UNC5D: variants seen among roughly 807,000 people sequenced by gnomAD.
The protein encoded by UNC5D is unc-5 netrin receptor D.
In UNC5D, 39 loss-of-function variants were observed where a neutral mutation model predicts 105.4. That is an observed-to-expected ratio of 0.37 (90% confidence interval 0.29 to 0.48). The LOEUF (loss-of-function observed/expected upper bound fraction) is 0.48, where lower values mean the gene tolerates loss of function less well. UNC5D is among the 20% of genes least tolerant of loss of function. The pLI, the probability that UNC5D is intolerant of heterozygous loss-of-function variation, is 0.98. For synonymous variants in UNC5D, 452 were observed against 450.4 expected, an observed-to-expected ratio of 1.00 and a Z score of -0.04; for missense variants, 991 against 1,202.4, an observed-to-expected ratio of 0.82 and a Z score of 2.60.
rs1563720946 is a variant in UNC5D at position 35,737,291 on chromosome 8, TG to T, written c.1766+6196del. 3.4e-3 allele frequency among the ~76,000 whole-genome samples: 513 copies of T among 150,134 alleles called. 8 individuals carry two copies. Among genetic ancestry groups the T allele is most frequent in the African/African-American group, 0.012 (485 of 40,324 alleles). On this transcript the variant is annotated intron_variant, in intron 11 of 16. Coordinates refer to ENST00000404895, the MANE Select transcript of UNC5D (RefSeq NM_080872.4). ...GTGTGTGTGTGTGTGTGTGTGTGTG[TG>T]TGTGTGTGTTAATGTGTGATGAAGG...
At chr8:35,746,788 A>T (rs575567077) in intron 11 of UNC5D, among the ~76,000 whole-genome samples, 52 of 152,334 alleles carry the variant, frequency 3.4e-4, no homozygotes, top group African/African-American at 1.3e-3. Context: ...AGAGCTTGTC[A>T]TCGGTCACTC....
At chr8:35,543,329 C>T (rs1298004578) in intron 1 of UNC5D, among the ~76,000 whole-genome samples, 1 of 152,176 alleles carries the variant, frequency 6.6e-6, no homozygotes, top group African/African-American at 2.4e-5. Flanking sequence ...TAGAACGTCT[C>T]AAAATCTCTT....
chr8:35,584,253 C>G (rs1325793830), intron 3 of UNC5D, among the ~76,000 whole-genome samples: 1 of 151,896 alleles, frequency 6.6e-6, no homozygotes, highest in Non-Finnish European at 1.5e-5. Context: ...TGAATACAAT[C>G]GACGGAAAAG....
At chr8:35,327,935 T>C (rs1810298548) in intron 1 of UNC5D, among the ~76,000 whole-genome samples, 1 of 152,224 alleles carries the variant, frequency 6.6e-6, no homozygotes, top group Non-Finnish European at 1.5e-5. Context: ...GCATCTTTGA[T>C]AGATGACAGT....
intron 4 of UNC5D, among the ~76,000 whole-genome samples, chr8:35,645,009 C>A (rs151044900): frequency 1.3e-5 from 2 of 152,112 alleles, no homozygotes; most frequent in Non-Finnish European, 2.9e-5. Flanking sequence ...CTGATTTGAG[C>A]AATCTAACAA....
At chr8:35,548,776 G>C (rs901679332) in intron 1 of UNC5D, among the ~76,000 whole-genome samples, 24 of 152,198 alleles carry the variant, frequency 1.6e-4, no homozygotes, top group African/African-American at 5.5e-4. Context: ...ACGATTGCCA[G>C]ACAATCTCCA....
rs1402199908 is a variant in UNC5D at position 35,757,673 on chromosome 8, C to T, written c.2164-1647C>T. On this transcript the variant is annotated intron_variant, in intron 13 of 16. Transcript: ENST00000404895. ...CGAGGTTGTTTCATTTCTGCACACCCAGTGCCCAGCTCCAACATAGCTCTG... is the reference window on the plus strand; with the variant it reads ...CGAGGTTGTTTCATTTCTGCACACCTAGTGCCCAGCTCCAACATAGCTCTG... Among the ~76,000 whole-genome samples, 3 of 152,146 alleles carry T rather than the reference C, an allele frequency of 2.0e-5. No homozygotes were observed. The East Asian group carries it at 5.8e-4, about 29-fold the overall frequency.
At chr8:35,528,041 T>TG (rs1271968383) in intron 1 of UNC5D, among the ~76,000 whole-genome samples, 1 of 76,856 alleles carries the variant, frequency 1.3e-5, no homozygotes, top group African/African-American at 9.4e-5. Flanking sequence ...AACAGCTGGT[T>TG]TTTTTTTTTT....
chr8:35,402,436 T>C (rs921941174), intron 1 of UNC5D, among the ~76,000 whole-genome samples: 1 of 152,016 alleles, frequency 6.6e-6, no homozygotes, highest in African/African-American at 2.4e-5. Flanking sequence ...GAACAGTATG[T>C]GGAAAACTGC....
At chr8:35,262,880 C>T (rs934992427) in intron 1 of UNC5D, among the ~76,000 whole-genome samples, 2 of 152,108 alleles carry the variant, frequency 1.3e-5, no homozygotes, top group Admixed American at 6.5e-5. Context: ...TTCCATAGTA[C>T]GATTAATCTT....
chr8:35,351,724 T>A (rs1025538746), intron 1 of UNC5D, among the ~76,000 whole-genome samples: 33 of 152,180 alleles, frequency 2.2e-4, no homozygotes, highest in Admixed American at 1.8e-3. Flanking sequence ...AACTGCCTAC[T>A]ATGAGAGTGT....
intron 2 of UNC5D, among the ~76,000 whole-genome samples, chr8:35,558,785 C>T (rs1249037413): frequency 6.6e-6 from 1 of 152,120 alleles, no homozygotes; most frequent in Non-Finnish European, 1.5e-5. Flanking sequence ...GAGTTTCAGA[C>T]CAGCCTGGCC....
intron 1 of UNC5D, among the ~76,000 whole-genome samples, chr8:35,335,386 G>A (rs549323337): frequency 2.6e-5 from 4 of 152,236 alleles, no homozygotes; most frequent in African/African-American, 9.6e-5. Context: ...CATTGTATTA[G>A]TCCTTTAACC....
chr8:35,664,331 TG>T (rs973936347), intron 4 of UNC5D, among the ~76,000 whole-genome samples: 3 of 152,154 alleles, frequency 2.0e-5, no homozygotes, highest in Non-Finnish European at 4.4e-5. Context: ...TTGTTTTAAT[TG>T]GGTTGAGTCC....
chr8:35,324,474 T>C (rs899501071), intron 1 of UNC5D, among the ~76,000 whole-genome samples: 1 of 152,106 alleles, frequency 6.6e-6, no homozygotes, highest in Non-Finnish European at 1.5e-5. Context: ...GTATTGTAGG[T>C]ATTAAAAGCA....
chr8:35,731,248 A>C (rs967103864), intron 11 of UNC5D, 152 bp downstream of exon 11: 5 of 636,446 alleles, frequency 7.9e-6, no homozygotes, highest in Non-Finnish European at 1.3e-5. Flanking sequence ...AAAATACAAA[A>C]AAATTAGCCA....
chr8:35,720,917 T>G (rs558930133), intron 8 of UNC5D, among the ~76,000 whole-genome samples: 32 of 152,138 alleles, frequency 2.1e-4, no homozygotes, highest in Non-Finnish European at 3.8e-4. Context: ...GAACCAGTTC[T>G]GCTTGATTTC....
chr8:35,295,990 C>A (rs1371794254), intron 1 of UNC5D, among the ~76,000 whole-genome samples: 5 of 152,186 alleles, frequency 3.3e-5, no homozygotes, highest in Non-Finnish European at 7.3e-5. Context: ...TATGTTGTCA[C>A]AAATGGCAGG....
chr8:35,319,043 G>A (rs748478742), intron 1 of UNC5D, among the ~76,000 whole-genome samples: 2 of 152,030 alleles, frequency 1.3e-5, no homozygotes, highest in Non-Finnish European at 2.9e-5. Context: ...AAAAAAGAAA[G>A]GATTCCATGA....
Sources: gnomAD v4.1 joint callset for allele counts (sites outside exome capture counted in the v4.1 genomes callset) on GRCh38, gnomAD v4.1.1 for gene constraint, MANE v1.5 for transcripts, NCBI Gene and HGNC (gene_info 2026-07-23, HGNC 2026-07-21) for gene names.